The following MEFV variants were observed in gnomAD, a reference collection of about 807,000 sequenced individuals.
MEFV encodes MEFV innate immunity regulator, pyrin, also known as pyrin.
MEFV carries 60 observed loss-of-function variants against 62.5 expected under a neutral mutation model. The ratio of observed to expected loss-of-function variants is 0.96; its 90% CI spans 0.78 to 1.19. The LOEUF (loss-of-function observed/expected upper bound fraction) is 1.19. Ranked by LOEUF, MEFV falls within the 50% of genes most tolerant of loss-of-function variation. MEFV has a pLI of 0.00. For synonymous variants in MEFV, 500 were observed against 415.2 expected, an observed-to-expected ratio of 1.20 and a Z score of -2.48; for missense variants, 1,169 against 1,004.5, an observed-to-expected ratio of 1.16 and a Z score of -2.21.
Position 3,243,397 on chromosome 16 carries a change from T to C in MEFV, c.2090A>G (p.Asn697Ser). The C allele has an allele frequency of 6.2e-7, 1 of 1,614,174 alleles. No homozygotes were observed. The highest frequency in any genetic ancestry group is 8.5e-7 in the Non-Finnish European group (1 of 1,180,024). ...GGGAACGCTGGACGCCTGGTACTCATTTTCCTTCATCATTATCACCACCCA... is the reference window on the plus strand; with the variant it reads ...GGGAACGCTGGACGCCTGGTACTCACTTTCCTTCATCATTATCACCACCCA... ...GYWVVIMMKENEYQASSVPPT... is the reference protein window; with the variant it reads ...GYWVVIMMKESEYQASSVPPT... The change falls in exon 10 of 10, where the codon AAT becomes AGT. Residue 697 changes from asparagine to serine, a missense_variant. Transcript: ENST00000219596.
chr16:3,244,405 C>A, intron 7 of MEFV, 68 bp downstream of exon 7: 1 of 1,592,790 alleles, frequency 6.3e-7, no homozygotes, highest in Non-Finnish European at 8.6e-7. Flanking sequence ...AAGTGAGGGG[C>A]TCTGGGCTAT....
chr16:3,255,719 T>G (rs1464064325), intron 1 of MEFV, among the ~76,000 whole-genome samples: 2 of 152,118 alleles, frequency 1.3e-5, no homozygotes, highest in African/African-American at 4.8e-5. Flanking sequence ...CCTATATTTC[T>G]CAAATAGTAC....
intron 5 of MEFV, among the ~76,000 whole-genome samples, chr16:3,246,775 C>T (rs1202467434): frequency 1.3e-5 from 2 of 152,326 alleles, no homozygotes; most frequent in East Asian, 3.9e-4. Flanking sequence ...CCCTCAAGCC[C>T]TGCTGATCCC....
rs777027346 is a variant in MEFV at position 3,243,905 on chromosome 16, A to G, written c.1760-13T>C. The G allele has an allele frequency of 2.5e-6, 4 of 1,613,926 alleles. No homozygotes were observed. The highest frequency in any genetic ancestry group is 3.4e-6 in the Non-Finnish European group (4 of 1,179,974). On this transcript the variant is annotated splice_polypyrimidine_tract_variant and intron_variant, in intron 8 of 9. Transcript: ENST00000219596. ...ATCAGCTCCGGAACTACGGAGAAAA[A>G]TCAGATAGGGAAAAAAATCCTGAGC... is the stretch of plus-strand genomic sequence containing the variant.
Position 3,256,515 on chromosome 16 carries a change from TGAACTTCTC to T in MEFV, c.64_72del (p.Glu22_Phe24del). 1 of 1,614,182 alleles carries T rather than the reference TGAACTTCTC, an allele frequency of 6.2e-7. No individual in the cohort carries two copies. The highest frequency in any genetic ancestry group is 8.5e-7 in the Non-Finnish European group (1 of 1,180,038). On this transcript the variant is annotated inframe_deletion, in exon 1 of 10. Transcript: ENST00000219596. ...ACACTGGTGTTCTGCAGCTTGAACT[TGAACTTCTC>T]GAAGTCATAGGGCACCAGCTCCTCC... is the stretch of plus-strand genomic sequence containing the variant.
In MEFV at chr16:3,254,448, G is replaced by T; in HGVS notation, c.620C>A (p.Ala207Asp). 6.2e-7 allele frequency: 1 copy of T among 1,608,656 alleles called. No homozygotes were observed. The highest frequency in any genetic ancestry group is 8.5e-7 in the Non-Finnish European group (1 of 1,177,612). Residue 207 changes from alanine to aspartate, a missense_variant, in exon 2 of 10, where the codon GCC becomes GAC. Ala to Asp is a moderately radical substitution (Grantham distance 126). Transcript: ENST00000219596. ...CCCCTGCAGCCTCCCCGCGGAGCTG[G>T]CGTTTCTGCGCAGCCGGACCTCGGC... is the stretch of plus-strand genomic sequence containing the variant. The part of the protein sequence containing the change: ...GQAEVRLRRN[A>D]SSAGRLQGLA...
intron 6 of MEFV, 100 bp downstream of exon 6, chr16:3,246,425 C>T (rs528089586): frequency 6.8e-5 from 95 of 1,388,506 alleles, no homozygotes; most frequent in South Asian, 2.3e-4. Flanking sequence ...TCACAGACCC[C>T]GGGGTTGGGA....
intron 2 of MEFV, among the ~76,000 whole-genome samples, chr16:3,251,217 C>G (rs1959027843): frequency 6.6e-6 from 1 of 152,102 alleles, no homozygotes; most frequent in South Asian, 2.1e-4. Flanking sequence ...TTCCCTGCCT[C>G]CCATTGCCCC....
chr16:3,252,879 G>T (rs1000771273), intron 2 of MEFV, among the ~76,000 whole-genome samples: 14 of 148,596 alleles, frequency 9.4e-5, no homozygotes, highest in African/African-American at 3.5e-4. Flanking sequence ...GAGCCTAGGA[G>T]GTTGAGGCTG....
intron 6 of MEFV, 99 bp from the exon 7 acceptor site, chr16:3,244,687 T>A: frequency 2.3e-6 from 2 of 866,120 alleles, no homozygotes; most frequent in Non-Finnish European, 3.9e-6. Context: ...AGGGCACACC[T>A]AGCCCAGCCT....
At chr16:3,243,804 G>T in intron 9 of MEFV, 56 bp downstream of exon 9, 1 of 1,608,844 alleles carries the variant, frequency 6.2e-7, no homozygotes. Context: ...AACGTGGTAG[G>T]GGAGAGCACA....
At position 3,249,679 on chromosome 16, in the gene MEFV, C is replaced by A. The variant is rs483353018; in HGVS notation, c.1012G>T (p.Val338Phe). 6.2e-7 allele frequency: 1 copy of A among 1,612,810 alleles called. No individual in the cohort carries two copies. The highest frequency in any genetic ancestry group is 8.5e-7 in the Non-Finnish European group (1 of 1,179,044). ...CCTGAGGCCTGGGGGTGCCCAGAAA[C>A]TGCCTCGGGGAAGCTGCAGGAATCA... is the stretch of plus-strand genomic sequence containing the variant. ...VRDSCSFPEA[V>F]SGHPQASGSR... The change falls in exon 3 of 10, where the codon GTT (valine) becomes TTT (phenylalanine). Residue 338 changes from valine to phenylalanine, a missense_variant. Physicochemically the swap from Val to Phe is conservative, Grantham distance 50. Coordinates refer to ENST00000219596, the MANE Select transcript of MEFV (RefSeq NM_000243.3).
rs1958909976 is a variant in MEFV at position 3,244,506 on chromosome 16, C to CT, written c.1692dup (p.Glu565ArgfsTer35). 3 of 1,614,048 alleles carry CT rather than the reference C, an allele frequency of 1.9e-6. No individual in the cohort carries two copies. In the East Asian group the frequency reaches 6.7e-5, roughly 36 times the overall value. Reference sequence around the variant, plus strand: ...TACTTTGTGCTCTTCTCCACAAACTCTGACTTCTGGTGGAGGAGTTGGATC... The same window carrying CT: ...TACTTTGTGCTCTTCTCCACAAACTCTTGACTTCTGGTGGAGGAGTTGGATC... On this transcript the variant is annotated frameshift_variant, in exon 7 of 10. Transcript: ENST00000219596. LOFTEE classifies it high-confidence loss of function.
chr16:3,249,070 C>G, intron 3 of MEFV, 66 bp from the exon 4 acceptor site: 1 of 1,477,956 alleles, frequency 6.8e-7, no homozygotes, highest in Non-Finnish European at 9.4e-7. Flanking sequence ...GGTGCCAACT[C>G]TGGAGGGGAA....
Position 3,256,312 on chromosome 16 carries a change from C to A in MEFV, c.276G>T (p.Gln92His). The change falls in exon 1 of 10, where the codon CAG (glutamine) becomes CAT (histidine). Residue 92 changes from glutamine to histidine, a missense_variant and splice_region_variant. Gln to His is a conservative substitution (Grantham distance 24, BLOSUM62 0). Transcript: ENST00000219596. ...AGGAGGAGGCCTGGGCCCGCTTACC[C>A]TGAATGGCTGCCCTGTGGAGCTCCT... ...LAEELHRAAI[Q>H]EYSTQENGTD... is the part of the protein sequence containing the mutation. 6.2e-7 allele frequency: 1 copy of A among 1,613,640 alleles called. No homozygotes were observed. Among genetic ancestry groups the A allele is most frequent in the Non-Finnish European group, 8.5e-7 (1 of 1,179,910 alleles).
chr16:3,253,811 C>T (rs955632693), intron 2 of MEFV, among the ~76,000 whole-genome samples: 8 of 152,098 alleles, frequency 5.3e-5, no homozygotes, highest in African/African-American at 1.4e-4. Context: ...GGACTACAGG[C>T]GCGTGCCACT....
chr16:3,253,813 C>T (rs1008921801), intron 2 of MEFV, among the ~76,000 whole-genome samples: 2 of 152,052 alleles, frequency 1.3e-5, no homozygotes, highest in South Asian at 2.1e-4. Flanking sequence ...ACTACAGGCG[C>T]GTGCCACTAT....
rs367595631 is a variant in MEFV at position 3,254,435 on chromosome 16, C to A, written c.633G>T (p.Gly211=). 6.2e-7 allele frequency: 1 copy of A among 1,611,116 alleles called. No individual in the cohort carries two copies. Among genetic ancestry groups the A allele is most frequent in the South Asian group, 1.1e-5 (1 of 91,030 alleles). ...CGCCCCCCGCCAGCCCCTGCAGCCT[C>A]CCCGCGGAGCTGGCGTTTCTGCGCA... The part of the protein sequence containing the change: ...VRLRRNASSA[G]RLQGLAGGAP... The change falls in exon 2 of 10, where the codon GGG becomes GGT. Residue 211 remains glycine (G), a synonymous_variant. Coordinates refer to ENST00000219596, the MANE Select transcript of MEFV (RefSeq NM_000243.3).
rs1348832741 is a variant in MEFV, at chr16:3,243,503, T to C, written c.1984A>G (p.Lys662Glu). Residue 662 changes from lysine (K) to glutamate (E), a missense_variant, in exon 10 of 10, where the codon AAG becomes GAG. Physicochemically the swap from Lys to Glu is moderately conservative, Grantham distance 56. Transcript: ENST00000219596. The part of the protein sequence containing the change: ...RRYWEVEVGD[K>E]TAWILGACKT... ...CAGGCTCCCAGGATCCATGCTGTCTTGTCTCCAACCTCCACCTCCCAGTAA... is the reference window on the plus strand; with the variant it reads ...CAGGCTCCCAGGATCCATGCTGTCTCGTCTCCAACCTCCACCTCCCAGTAA... 9.9e-6 allele frequency: 16 copies of C among 1,613,964 alleles called. No homozygotes were observed. The Admixed American group carries it at 2.5e-4, about 25-fold the overall frequency.
Sources: allele counts gnomAD v4.1 joint callset (sites outside exome capture counted in the v4.1 genomes callset), GRCh38; gene constraint gnomAD v4.1.1; transcripts MANE v1.5; gene names NCBI Gene and HGNC (gene_info 2026-07-23, HGNC 2026-07-21).